UNC5D: variants seen among roughly 807,000 people sequenced by gnomAD.
The protein encoded by UNC5D is netrin receptor UNC5D.
Under a neutral mutation model 105.4 loss-of-function variants are expected in UNC5D, and 39 were observed. The ratio of observed to expected loss-of-function variants is 0.37; its 90% CI spans 0.29 to 0.48. The LOEUF is 0.48. UNC5D is among the 20% of genes least tolerant of loss of function. The pLI, the probability that UNC5D is intolerant of heterozygous loss-of-function variation, is 0.98. For synonymous variants in UNC5D, 452 were observed against 450.4 expected, an observed-to-expected ratio of 1.00 and a Z score of -0.04; for missense variants, 991 against 1,202.4, an observed-to-expected ratio of 0.82 and a Z score of 2.60.
chr8:35,620,965 C>T (rs550766086), intron 4 of UNC5D, among the ~76,000 whole-genome samples: 43 of 152,244 alleles, frequency 2.8e-4, no homozygotes, highest in African/African-American at 7.7e-4. Flanking sequence ...CGTTTGGGGT[C>T]GGATACTCCT....
intron 1 of UNC5D, among the ~76,000 whole-genome samples, chr8:35,528,664 CA>C (rs1165672925): frequency 6.8e-6 from 1 of 147,018 alleles, no homozygotes; most frequent in African/African-American, 2.5e-5. Flanking sequence ...GTCCCACCAA[CA>C]GTGTAAAAGT....
rs573256655 is a variant in UNC5D at position 35,602,795 on chromosome 8, A to G, written c.570+7138A>G. On this transcript the variant is annotated intron_variant, in intron 4 of 16. Coordinates refer to ENST00000404895, the MANE Select transcript of UNC5D (RefSeq NM_080872.4). ...GTGCAGGTTAGTTACATATGTATAC[A>G]TGTGACATGCTGGTGCGCTGCACCC... 1.2e-4 allele frequency among the ~76,000 whole-genome samples: 19 copies of G among 152,094 alleles called. No individual in the cohort carries two copies. In the East Asian group the frequency reaches 3.3e-3, roughly 26 times the overall value.
At chr8:35,371,151 T>C (rs1257547210) in intron 1 of UNC5D, among the ~76,000 whole-genome samples, 1 of 150,894 alleles carries the variant, frequency 6.6e-6, no homozygotes, top group Admixed American at 6.6e-5. Context: ...AGCTCAAGGT[T>C]GCAGTGAGCT....
intron 2 of UNC5D, among the ~76,000 whole-genome samples, chr8:35,566,411 A>G (rs953395010): frequency 1.3e-5 from 2 of 152,218 alleles, no homozygotes; most frequent in African/African-American, 4.8e-5. Flanking sequence ...GATTATAGTG[A>G]TGCTTCTATC....
intron 3 of UNC5D, among the ~76,000 whole-genome samples, chr8:35,570,284 G>C (rs980087360): frequency 6.6e-6 from 1 of 152,058 alleles, no homozygotes; most frequent in African/African-American, 2.4e-5. Context: ...GAGTCCTGTT[G>C]GTTTCCAACT....
rs10715369 is a variant in UNC5D, at chr8:35,365,591, C to CAAAAAAAAAAAAAAAAAAAAAAAAAAAA, written c.103+129730_103+129731insAAAAAAAAAAAAAAAAAAAAAAAAAAAA. Among the ~76,000 whole-genome samples the CAAAAAAAAAAAAAAAAAAAAAAAAAAAA allele has an allele frequency of 2.8e-4, 14 of 49,886 alleles. 1 individual carries two copies. Among genetic ancestry groups the CAAAAAAAAAAAAAAAAAAAAAAAAAAAA allele is most frequent in the Admixed American group, 6.8e-4 (2 of 2,956 alleles). 32.7% of individuals were successfully genotyped at this position (49,886 alleles called of 152,430 possible). ...TCTTAGGCTTTCATGCCATCCCCTG[C>CAAAAAAAAAAAAAAAAAAAAAAAAAAAA]AAAAAAAAAAAAAAAAAAAAAAAAA... On this transcript the variant is annotated intron_variant, in intron 1 of 16. Coordinates refer to ENST00000404895, the MANE Select transcript of UNC5D (RefSeq NM_080872.4).
At position 35,325,337 on chromosome 8, in the gene UNC5D, A is replaced by G. The variant is rs529712133; in HGVS notation, c.103+89450A>G. ...ATGCTTAAGTGCTTCTAGGTTGACA[A>G]TCTCAAGACCACCAGTAAAAACTTA... On this transcript the variant is annotated intron_variant, in intron 1 of 16. Coordinates refer to ENST00000404895, the MANE Select transcript of UNC5D (RefSeq NM_080872.4). 9.8e-5 allele frequency among the ~76,000 whole-genome samples: 15 copies of G among 152,336 alleles called. No homozygotes were observed. In the South Asian group the frequency reaches 3.1e-3, roughly 32 times the overall value.
rs182976181 is a variant in UNC5D, at chr8:35,355,491, C to T, written c.103+119604C>T. Among the ~76,000 whole-genome samples, 813 of 152,232 alleles carry T rather than the reference C, an allele frequency of 5.3e-3. 3 individuals are homozygous for T. The highest frequency in any genetic ancestry group is 7.3e-3 in the Non-Finnish European group (494 of 68,010). ...TTCCCCAAAGTTCTGCTTATCCTTT[C>T]TTCCATAGAAGCCTTTTGAAAGTAG... On this transcript the variant is annotated intron_variant, in intron 1 of 16. Transcript: ENST00000404895.
chr8:35,243,813 T>C (rs1461761214), intron 1 of UNC5D, among the ~76,000 whole-genome samples: 3 of 152,190 alleles, frequency 2.0e-5, no homozygotes, highest in African/African-American at 7.2e-5. Flanking sequence ...CAGTACCTGA[T>C]AGGGCTTGTC....
At chr8:35,303,532 T>G (rs902633531) in intron 1 of UNC5D, among the ~76,000 whole-genome samples, 1 of 152,190 alleles carries the variant, frequency 6.6e-6, no homozygotes, top group Non-Finnish European at 1.5e-5. Flanking sequence ...AACATTTAAA[T>G]CTGAGTTAAC....
intron 14 of UNC5D, among the ~76,000 whole-genome samples, chr8:35,764,698 T>C (rs1801688092): frequency 6.6e-6 from 1 of 152,174 alleles, no homozygotes; most frequent in African/African-American, 2.4e-5. Context: ...GAAAGCAATA[T>C]CATTAAACGG....
At chr8:35,752,436 G>C (rs1473260609) in intron 13 of UNC5D, among the ~76,000 whole-genome samples, 2 of 152,274 alleles carry the variant, frequency 1.3e-5, no homozygotes, top group South Asian at 4.1e-4. Flanking sequence ...ACATAAGCCA[G>C]TAAAGGTGAC....
chr8:35,705,943 C>A lies in UNC5D; in HGVS notation c.1099C>A (p.His367Asn), dbSNP rs1827550687. ...GLCILDKKPLHEIKPQSIENA... is the reference protein window; with the variant it reads ...GLCILDKKPLNEIKPQSIENA... ...CTTTCTTTTAGATAAAAAACCTCTTCATGAAATAAAACCCCAAAGTAAGTT... is the reference window on the plus strand; with the variant it reads ...CTTTCTTTTAGATAAAAAACCTCTTAATGAAATAAAACCCCAAAGTAAGTT... The change falls in exon 8 of 17, where the codon CAT becomes AAT. Residue 367 changes from histidine to asparagine, a missense_variant. His to Asn is a moderately conservative substitution (Grantham distance 68). This residue lies in a region of UNC5D where 944 missense variants were observed against 1,131.6 expected (regional missense o/e 0.83). Coordinates refer to ENST00000404895, the MANE Select transcript of UNC5D (RefSeq NM_080872.4). The A allele has an allele frequency of 7.5e-7, 1 of 1,331,104 alleles. No homozygotes were observed. Among genetic ancestry groups the A allele is most frequent in the South Asian group, 1.2e-5 (1 of 80,516 alleles). The allele number at this position is 1,331,104 out of a possible 1,614,324, so 82.5% of individuals were successfully genotyped here.
intron 13 of UNC5D, among the ~76,000 whole-genome samples, chr8:35,754,169 C>T (rs1042249875): frequency 6.6e-6 from 1 of 152,200 alleles, no homozygotes; most frequent in Non-Finnish European, 1.5e-5. Flanking sequence ...CTCCCAACTT[C>T]TGTAGCGTAA....
chr8:35,304,422 GA>G (rs956221487), intron 1 of UNC5D, among the ~76,000 whole-genome samples: 3 of 151,582 alleles, frequency 2.0e-5, no homozygotes, highest in African/African-American at 4.8e-5. Flanking sequence ...AGGAAAAGAG[GA>G]AAAAAAATTG....
At chr8:35,432,449 T>C (rs77966505) in intron 1 of UNC5D, among the ~76,000 whole-genome samples, 3,687 of 152,284 alleles carry the variant, frequency 0.024, 153 homozygotes, top group African/African-American at 0.085. Context: ...TGGCTTGAGG[T>C]GCTGTCCAGG....
intron 15 of UNC5D, among the ~76,000 whole-genome samples, chr8:35,770,195 A>T (rs916018243): frequency 5.3e-5 from 8 of 152,206 alleles, no homozygotes; most frequent in Non-Finnish European, 8.8e-5. Flanking sequence ...TTAATACATT[A>T]GTAAGATATA....
chr8:35,607,669 A>T (rs1820390454), intron 4 of UNC5D, among the ~76,000 whole-genome samples: 1 of 152,088 alleles, frequency 6.6e-6, no homozygotes, highest in African/African-American at 2.4e-5. Flanking sequence ...TAATAGTTTT[A>T]TAAGGGGCTT....
At chr8:35,756,807 C>G (rs769466647) in intron 13 of UNC5D, among the ~76,000 whole-genome samples, 9 of 152,170 alleles carry the variant, frequency 5.9e-5, no homozygotes, top group Non-Finnish European at 1.0e-4. Flanking sequence ...ACAAAATAGT[C>G]TAGTACTACA....
Sources: allele counts gnomAD v4.1 joint callset (sites outside exome capture counted in the v4.1 genomes callset), GRCh38; gene constraint gnomAD v4.1.1; regional missense constraint gnomAD v4.1.1; transcripts MANE v1.5; gene names NCBI Gene and HGNC (gene_info 2026-07-23, HGNC 2026-07-21).